Variants in CNBD1 observed in about 807,000 individuals in gnomAD.
CNBD1 encodes cyclic nucleotide binding domain containing 1.
CNBD1 carries 71 observed loss-of-function variants against 54.4 expected under a neutral mutation model. That is an observed-to-expected ratio of 1.30 (90% CI 1.08 to 1.59). The LOEUF (loss-of-function observed/expected upper bound fraction) is 1.59. Among genes scored for constraint, CNBD1 ranks in the 40% most tolerant of loss-of-function variants. The pLI is 0.00. For missense variants in CNBD1, 659 were observed against 518.0 expected, an observed-to-expected ratio of 1.27 and a Z score of -2.64; for synonymous variants, 182 against 170.7, an observed-to-expected ratio of 1.07 and a Z score of -0.51.
chr8:87,370,482 G>T (rs1403723763), intron 10 of CNBD1, among the ~76,000 whole-genome samples: 1 of 152,088 alleles, frequency 6.6e-6, no homozygotes, highest in Non-Finnish European at 1.5e-5. Context: ...GGCCAGTGAT[G>T]GTGCGCATTT....
intron 6 of CNBD1, among the ~76,000 whole-genome samples, chr8:87,267,518 G>A (rs1040437868): frequency 5.3e-5 from 8 of 152,030 alleles, no homozygotes; most frequent in Admixed American, 4.6e-4. Context: ...CAAAGAAATC[G>A]TATCCATAGT....
In CNBD1 at chr8:87,367,262, C is replaced by G. The variant is rs987604613; in HGVS notation, c.1303+13476C>G. On this transcript the variant is annotated intron_variant, in intron 10 of 10. Coordinates refer to ENST00000518476, the MANE Select transcript of CNBD1 (RefSeq NM_173538.3). Reference sequence around the variant, plus strand: ...CAACTGTCAACTAGCTTTTCTCTTACCTTCACAGGTCTCAAGGTGTAGTCA... The same window carrying G: ...CAACTGTCAACTAGCTTTTCTCTTAGCTTCACAGGTCTCAAGGTGTAGTCA... Among the ~76,000 whole-genome samples, 5 of 152,040 alleles carry G rather than the reference C, an allele frequency of 3.3e-5. No individual in the cohort carries two copies. In the South Asian group the frequency reaches 1.0e-3, roughly 31 times the overall value.
chr8:86,931,446 TGGGCAA>T (rs1282416755), intron 3 of CNBD1, among the ~76,000 whole-genome samples: 3 of 150,684 alleles, frequency 2.0e-5, no homozygotes, highest in Non-Finnish European at 4.4e-5. Flanking sequence ...ATAGTGGACA[TGGGCAA>T]GGGGGTGGCT....
At chr8:87,099,034 C>CAAAAAAAA (rs11402011) in intron 4 of CNBD1, among the ~76,000 whole-genome samples, 19 of 23,046 alleles carry the variant, frequency 8.2e-4, no homozygotes, top group East Asian at 1.8e-3. Flanking sequence ...GACTGTGTCT[C>CAAAAAAAA]AAAAAAAAAA....
chr8:87,039,439 T>C (rs1311751158), intron 4 of CNBD1, among the ~76,000 whole-genome samples: 1 of 152,208 alleles, frequency 6.6e-6, no homozygotes, highest in Non-Finnish European at 1.5e-5. Context: ...TCTGATGATA[T>C]ATTATTTCCC....
chr8:87,011,332 G>A (rs1809217792), intron 4 of CNBD1, among the ~76,000 whole-genome samples: 1 of 152,030 alleles, frequency 6.6e-6, no homozygotes, highest in African/African-American at 2.4e-5. Flanking sequence ...ATCATCAAAT[G>A]CCTTGAGGGG....
intron 10 of CNBD1, among the ~76,000 whole-genome samples, chr8:87,377,443 A>G (rs1387417964): frequency 3.3e-5 from 5 of 151,622 alleles, no homozygotes; most frequent in Non-Finnish European, 7.4e-5. Context: ...GAGAATGATG[A>G]TTTCCAATTT....
At chr8:86,956,988 T>C (rs958756894) in intron 4 of CNBD1, among the ~76,000 whole-genome samples, 3 of 152,202 alleles carry the variant, frequency 2.0e-5, no homozygotes, top group Admixed American at 6.5e-5. Flanking sequence ...GCTCTTATTA[T>C]TTTGAGATAT....
chr8:87,112,444 C>A (rs1187653893), intron 4 of CNBD1, among the ~76,000 whole-genome samples: 1 of 152,060 alleles, frequency 6.6e-6, no homozygotes, highest in Non-Finnish European at 1.5e-5. Flanking sequence ...GCTTGATTAG[C>A]CCTTCAAGTG....
At chr8:87,402,615 T>C (rs1484684425) in intron 2 of CNBD1, among the ~76,000 whole-genome samples, 6 of 152,060 alleles carry the variant, frequency 3.9e-5, no homozygotes, top group Non-Finnish European at 7.4e-5. Context: ...TTTCCTCTTA[T>C]AGTCTCTGAT....
intron 8 of CNBD1, among the ~76,000 whole-genome samples, chr8:87,340,909 A>C (rs1335489903): frequency 6.6e-6 from 1 of 151,674 alleles, no homozygotes; most frequent in African/African-American, 2.4e-5. Context: ...AGTTTTATTT[A>C]TTTATTTATA....
chr8:86,993,030 C>G (rs1343966269), intron 4 of CNBD1, among the ~76,000 whole-genome samples: 1 of 152,092 alleles, frequency 6.6e-6, no homozygotes, highest in Non-Finnish European at 1.5e-5. Context: ...TTTCATGGAC[C>G]ATGTCTTCAA....
At chr8:87,411,077 T>A in intron 2 of CNBD1, among the ~76,000 whole-genome samples, 1 of 152,050 alleles carries the variant, frequency 6.6e-6, no homozygotes. Context: ...ACTCGCTTTA[T>A]TATGATACTT....
chr8:87,047,819 A>G (rs904920136), intron 4 of CNBD1, among the ~76,000 whole-genome samples: 5 of 152,238 alleles, frequency 3.3e-5, no homozygotes, highest in Admixed American at 2.6e-4. Context: ...ATAAATTTGC[A>G]TCAAAAAGAA....
At chr8:87,375,263 G>T (rs1014632842) in intron 10 of CNBD1, among the ~76,000 whole-genome samples, 1 of 151,794 alleles carries the variant, frequency 6.6e-6, no homozygotes, top group African/African-American at 2.4e-5. Flanking sequence ...TGATAGTTTA[G>T]TTACAAATTT....
intron 2 of CNBD1, among the ~76,000 whole-genome samples, chr8:87,390,341 T>C (rs894399657): frequency 1.4e-4 from 22 of 152,092 alleles, no homozygotes; most frequent in East Asian, 3.9e-4. Flanking sequence ...ATTTTTGCAA[T>C]CTACTCATCT....
chr8:87,158,367 A>G (rs1812788340), intron 4 of CNBD1, among the ~76,000 whole-genome samples: 1 of 152,188 alleles, frequency 6.6e-6, no homozygotes, highest in Non-Finnish European at 1.5e-5. Context: ...AATCTTAATA[A>G]ATGTTTTTGA....
chr8:86,879,348 A>G (rs1808569751), intron 1 of CNBD1, among the ~76,000 whole-genome samples: 1 of 152,230 alleles, frequency 6.6e-6, no homozygotes, highest in Non-Finnish European at 1.5e-5. Flanking sequence ...ATAAAGAAAG[A>G]TATTATTTGC....
At chr8:86,997,865 G>A (rs556380120) in intron 4 of CNBD1, among the ~76,000 whole-genome samples, 64 of 152,192 alleles carry the variant, frequency 4.2e-4, no homozygotes, top group African/African-American at 1.5e-3. Flanking sequence ...TTTCCTTATA[G>A]TATGAATTCT....
Sources: gnomAD v4.1 joint callset for allele counts (sites outside exome capture counted in the v4.1 genomes callset) on GRCh38, gnomAD v4.1.1 for gene constraint, MANE v1.5 for transcripts, NCBI Gene and HGNC (gene_info 2026-07-23, HGNC 2026-07-21) for gene names.